The following ADGRB1 variants were observed in gnomAD, a reference collection of about 807,000 sequenced individuals.
ADGRB1 encodes the protein brain-specific angiogenesis inhibitor 1.
In ADGRB1, 36 loss-of-function variants were observed where a neutral mutation model predicts 175.7. The observed-to-expected ratio is 0.20, with a 90% CI of 0.16 to 0.27. The LOEUF is 0.27. Ranked by LOEUF, ADGRB1 falls within the 10% of genes least tolerant of loss-of-function variation. The pLI, the probability that ADGRB1 is intolerant of heterozygous loss-of-function variation, is 1.00. For synonymous variants in ADGRB1, 1,054 were observed against 979.4 expected (o/e 1.08, Z -1.42); for missense variants, 1,731 against 2,255.3 (o/e 0.77, Z 4.71).
At chr8:142,526,084 T>C (rs1037161549) in intron 23 of ADGRB1, among the ~76,000 whole-genome samples, 1 of 152,010 alleles carries the variant, frequency 6.6e-6, no homozygotes, top group Non-Finnish European at 1.5e-5. Flanking sequence ...GCCAGGGCCC[T>C]TATGGGGTGG....
Position 142,537,380 on chromosome 8 carries a change from G to A in ADGRB1, c.3666+298G>A, listed in dbSNP as rs1056904016. ...CGTCTGGCTGGACACCACCCTCTGA[G>A]CATCCCAGCCCTCAACTCAAGGTCC... is the stretch of plus-strand genomic sequence containing the variant. On this transcript the variant is annotated intron_variant, in intron 26 of 30. Coordinates refer to ENST00000517894, the MANE Select transcript of ADGRB1 (RefSeq NM_001702.3). The surrounding 1 kb of genome is among the most constrained non-coding windows in gnomAD (Gnocchi z 4.6). Among the ~76,000 whole-genome samples the A allele has an allele frequency of 2.6e-5, 4 of 151,984 alleles. No individual in the cohort carries two copies. Among genetic ancestry groups the A allele is most frequent in the African/African-American group, 9.7e-5 (4 of 41,352 alleles).
Position 142,521,950 on chromosome 8 carries a change from C to A in ADGRB1, c.3025-15C>A. On this transcript the variant is annotated splice_polypyrimidine_tract_variant and intron_variant, in intron 20 of 30. Coordinates refer to ENST00000517894, the MANE Select transcript of ADGRB1 (RefSeq NM_001702.3). ...GAGCACCTGCCCAGCCTGCCCCGCCCTGGGCCCCACACAGGTGGTGTGCAC... is the reference window on the plus strand; with the variant it reads ...GAGCACCTGCCCAGCCTGCCCCGCCATGGGCCCCACACAGGTGGTGTGCAC... 6.3e-7 allele frequency: 1 copy of A among 1,575,166 alleles called. No homozygotes were observed. Among genetic ancestry groups the A allele is most frequent in the East Asian group, 2.3e-5 (1 of 43,086 alleles).
rs767217331 is a variant in ADGRB1, at chr8:142,488,357, C to T, written c.2309-7C>T. ...TCTGTCTCTCCCGCCTTTGACCCTG[C>T]TCCCAGTTCTCAGCATCCATAAGCT... is the stretch of plus-strand genomic sequence containing the variant. On this transcript the variant is annotated splice_polypyrimidine_tract_variant and splice_region_variant and intron_variant, in intron 13 of 30. Transcript: ENST00000517894. 3.7e-6 allele frequency: 6 copies of T among 1,612,824 alleles called. No individual in the cohort carries two copies. Among genetic ancestry groups the T allele is most frequent in the Non-Finnish European group, 5.1e-6 (6 of 1,179,782 alleles).
intron 25 of ADGRB1, among the ~76,000 whole-genome samples, chr8:142,533,776 G>C (rs1844769414): frequency 6.6e-6 from 1 of 152,194 alleles, no homozygotes. Flanking sequence ...CAGGAGTGAG[G>C]AAGCTGGCAG....
At chr8:142,527,717 A>G (rs1438701566) in intron 24 of ADGRB1, among the ~76,000 whole-genome samples, 5 of 152,200 alleles carry the variant, frequency 3.3e-5, no homozygotes, top group African/African-American at 1.2e-4. Context: ...AGGGCTACAC[A>G]TCCAGGGTCT....
rs550887769 is a variant in ADGRB1 at position 142,495,660 on chromosome 8, T to C, written c.2675+4845T>C. Among the ~76,000 whole-genome samples the C allele has an allele frequency of 9.2e-5, 14 of 152,152 alleles. 1 individual carries two copies. The South Asian group carries it at 2.5e-3, about 27-fold the overall frequency. ...GGCGTCACTCCAGTCTCTGCTGCTG[T>C]CTTTTCCTGGCCTTCTGTCTTGTGT... On this transcript the variant is annotated intron_variant, in intron 17 of 30. Coordinates refer to ENST00000517894, the MANE Select transcript of ADGRB1 (RefSeq NM_001702.3).
intron 18 of ADGRB1, among the ~76,000 whole-genome samples, chr8:142,513,115 GT>G (rs1428892364): frequency 6.6e-6 from 1 of 152,214 alleles, no homozygotes; most frequent in Non-Finnish European, 1.5e-5. Context: ...GGCATGTTGG[GT>G]GCCCTGTCCC....
At position 142,511,810 on chromosome 8, in the gene ADGRB1, C is replaced by T. The variant is rs773132282; in HGVS notation, c.2817+737C>T. Among the ~76,000 whole-genome samples, 1 of 152,188 alleles carries T rather than the reference C, an allele frequency of 6.6e-6. No homozygotes were observed. The highest frequency in any genetic ancestry group is 1.9e-4 in the East Asian group (1 of 5,186). Reference sequence around the variant, plus strand: ...CACAGCCCTCTACTGGGGCCCAGGCCGAGGCCCAGGACAGCCCACAGAGCA... The same window carrying T: ...CACAGCCCTCTACTGGGGCCCAGGCTGAGGCCCAGGACAGCCCACAGAGCA... On this transcript the variant is annotated intron_variant, in intron 18 of 30. Transcript: ENST00000517894. This position sits in a 1 kb window ranked among gnomAD's most constrained non-coding sequence, Gnocchi z 4.5.
At chr8:142,531,877 A>G (rs184057077) in intron 24 of ADGRB1, among the ~76,000 whole-genome samples, 255 of 152,212 alleles carry the variant, frequency 1.7e-3, no homozygotes, top group African/African-American at 5.7e-3. Flanking sequence ...AGGTCCTGAG[A>G]GATGACGACA....
At chr8:142,501,699 G>C (rs537234147) in intron 17 of ADGRB1, among the ~76,000 whole-genome samples, 1 of 122,536 alleles carries the variant, frequency 8.2e-6, no homozygotes, top group Admixed American at 8.4e-5. Flanking sequence ...ATGGAGGTGG[G>C]GTGGTGGTGG....
chr8:142,477,485 T>TG lies in ADGRB1; in HGVS notation c.1328dup (p.Asn444GlnfsTer4). ...CGCGCACCTGCAGGCCCCCCCAGTTTGGGGGCAACCCCTGTGAGGGCCCTG... is the reference window on the plus strand; with the variant it reads ...CGCGCACCTGCAGGCCCCCCCAGTTTGGGGGGCAACCCCTGTGAGGGCCCTG... On this transcript the variant is annotated frameshift_variant, in exon 6 of 31. Transcript: ENST00000517894. LOFTEE classifies it high-confidence loss of function. 6.2e-7 allele frequency: 1 copy of TG among 1,613,066 alleles called. No homozygotes were observed. Among genetic ancestry groups the TG allele is most frequent in the Non-Finnish European group, 8.5e-7 (1 of 1,179,804 alleles).
At chr8:142,517,691 G>A (rs1045379143) in intron 18 of ADGRB1, among the ~76,000 whole-genome samples, 1 of 152,134 alleles carries the variant, frequency 6.6e-6, no homozygotes, top group African/African-American at 2.4e-5. Context: ...TGGCATCTTG[G>A]ATGGGGGTGG....
chr8:142,522,531 G>T, intron 21 of ADGRB1, 110 bp from the exon 22 acceptor site: 1 of 1,079,706 alleles, frequency 9.3e-7, no homozygotes. Context: ...TCTGTTGGGG[G>T]CTTCAGAAGC....
chr8:142,511,139 G>T lies in ADGRB1; in HGVS notation c.2817+66G>T. The T allele has an allele frequency of 9.7e-7, 1 of 1,030,848 alleles. No homozygotes were observed. Among genetic ancestry groups the T allele is most frequent in the Non-Finnish European group, 1.2e-6 (1 of 857,374 alleles). 63.9% of individuals were successfully genotyped at this position (1,030,848 alleles called of 1,614,324 possible). ...GGGCGCGGGCGGGGGCTGCCGGCGG[G>T]CCTGCGGGTGGGGAGGGCCCGCACC... On this transcript the variant is annotated intron_variant, in intron 18 of 30. Coordinates refer to ENST00000517894, the MANE Select transcript of ADGRB1 (RefSeq NM_001702.3). The surrounding 1 kb of genome is among the most constrained non-coding windows in gnomAD (Gnocchi z 4.5).
At chr8:142,477,877 G>A (rs1225763684) in intron 6 of ADGRB1, among the ~76,000 whole-genome samples, 1 of 151,706 alleles carries the variant, frequency 6.6e-6, no homozygotes, top group Non-Finnish European at 1.5e-5. Flanking sequence ...CTGGGTGTGG[G>A]GTGGTGGCCC....
chr8:142,503,966 C>T (rs1842743209), intron 17 of ADGRB1, among the ~76,000 whole-genome samples: 1 of 152,090 alleles, frequency 6.6e-6, no homozygotes, highest in Non-Finnish European at 1.5e-5. Flanking sequence ...GAGGCTCAGA[C>T]ATGGGCAGCT....
intron 4 of ADGRB1, 55 bp downstream of exon 4, chr8:142,476,750 GT>G: frequency 3.5e-6 from 5 of 1,446,094 alleles, no homozygotes; most frequent in Non-Finnish European, 3.7e-6. Flanking sequence ...AATACTGTAA[GT>G]TATCAATTGC....
chr8:142,464,950 T>C lies in ADGRB1; in HGVS notation c.752T>C (p.Leu251Pro). The change falls in exon 2 of 31, where the codon CTG becomes CCG. Residue 251 changes from leucine (L) to proline (P), a missense_variant. Around this residue, in one of 8 missense-constraint regions of ADGRB1, gnomAD observed 383 missense variants for 383.1 expected, o/e 1.00. Transcript: ENST00000517894. ...AGGPENCLTS[L>P]TQDRGGHGAT... ...GGCCCTGAAAACTGCCTCACCAGCC[T>C]GACCCAGGACCGGGGCGGGCACGGC... 6.5e-7 allele frequency: 1 copy of C among 1,527,422 alleles called. No homozygotes were observed. The highest frequency in any genetic ancestry group is 8.8e-7 in the Non-Finnish European group (1 of 1,142,590). 94.6% of individuals were successfully genotyped at this position (1,527,422 alleles called of 1,614,324 possible).
chr8:142,470,652 G>A (rs1410173329), intron 2 of ADGRB1, among the ~76,000 whole-genome samples: 1 of 152,156 alleles, frequency 6.6e-6, no homozygotes, highest in African/African-American at 2.4e-5. Context: ...CAGGGAGTGG[G>A]TATGGGAGGC....
Sources: gnomAD v4.1 joint callset for allele counts (sites outside exome capture counted in the v4.1 genomes callset) on GRCh38, gnomAD v4.1.1 for gene constraint, gnomAD v4.1.1 regional missense constraint, Gnocchi (gnomAD v3.1) non-coding constraint, MANE v1.5 for transcripts, NCBI Gene and HGNC (gene_info 2026-07-23, HGNC 2026-07-21) for gene names.